The following IRAG1 variants were observed in gnomAD, a reference collection of about 807,000 sequenced individuals.
The protein encoded by IRAG1 is IP3R-associated cGMP kinase substrate.
Under a neutral mutation model 106.2 loss-of-function variants are expected in IRAG1, and 62 were observed. The observed-to-expected ratio is 0.58, with a 90% CI of 0.48 to 0.72. The LOEUF is 0.72. Ranked by LOEUF, IRAG1 falls within the 30% of genes least tolerant of loss-of-function variation. The probability of loss-of-function intolerance (pLI) is 0.00; values close to 1 mark genes in which losing one functional copy is unlikely to be tolerated. For synonymous variants in IRAG1, 462 were observed against 443.9 expected (o/e 1.04, Z -0.51); for missense variants, 1,064 against 1,140.7 (o/e 0.93, Z 0.97).
chr11:10,604,091 T>G lies in IRAG1; in HGVS notation c.1743+314A>C, dbSNP rs565763742. Among the ~76,000 whole-genome samples the G allele has an allele frequency of 3.3e-5, 5 of 152,328 alleles. No homozygotes were observed. In the South Asian group the frequency reaches 1.0e-3, roughly 32 times the overall value. On this transcript the variant is annotated intron_variant, in intron 13 of 20. Transcript: ENST00000423302. Reference sequence around the variant, plus strand: ...CTGCAGGGCCTGGGCCACAGTTTCTTCTGGTGCTTGGAGAAGCCCAATGTG... The same window carrying G: ...CTGCAGGGCCTGGGCCACAGTTTCTGCTGGTGCTTGGAGAAGCCCAATGTG...
chr11:10,584,551 AT>A (rs2134124171), intron 18 of IRAG1, among the ~76,000 whole-genome samples: 1 of 15,632 alleles, frequency 6.4e-5, no homozygotes, highest in South Asian at 1.2e-3. Flanking sequence ...TTCATGAAAT[AT>A]ATATATATAT....
chr11:10,620,696 G>A (rs369874151), intron 10 of IRAG1, among the ~76,000 whole-genome samples: 32 of 152,290 alleles, frequency 2.1e-4, no homozygotes, highest in East Asian at 1.3e-3. Context: ...CGGGTAATGC[G>A]TAAGAGAAAG....
chr11:10,611,296 T>C (rs1854939070), intron 10 of IRAG1, among the ~76,000 whole-genome samples: 1 of 152,188 alleles, frequency 6.6e-6, no homozygotes, highest in Non-Finnish European at 1.5e-5. Flanking sequence ...CTGGTATTTA[T>C]AGCTCTCTGA....
intron 19 of IRAG1, 91 bp downstream of exon 19, chr11:10,581,776 C>T (rs1389869139): frequency 1.3e-6 from 2 of 1,499,238 alleles, no homozygotes; most frequent in Non-Finnish European, 1.8e-6. Context: ...CTGGTTACTT[C>T]CCTAAAGCCT....
At chr11:10,622,090 T>A (rs1323790712) in intron 10 of IRAG1, among the ~76,000 whole-genome samples, 1 of 152,158 alleles carries the variant, frequency 6.6e-6, no homozygotes, top group African/African-American at 2.4e-5. Flanking sequence ...TAAAAATGGC[T>A]AAAATGGCAA....
chr11:10,611,744 A>G (rs1049258778), intron 10 of IRAG1: 3 of 152,192 alleles, frequency 2.0e-5, no homozygotes, highest in African/African-American at 7.2e-5. Flanking sequence ...TCAGTACTGA[A>G]AGGAAGATGG....
chr11:10,652,477 A>AAGAT (rs1858603996), intron 1 of IRAG1: 1 of 602,146 alleles, frequency 1.7e-6, no homozygotes, highest in Non-Finnish European at 2.6e-6. Flanking sequence ...TAGCTAATGG[A>AAGAT]AGATACTCCA....
At chr11:10,605,962 C>T (rs1268725629) in intron 12 of IRAG1, among the ~76,000 whole-genome samples, 1 of 152,234 alleles carries the variant, frequency 6.6e-6, no homozygotes, top group Non-Finnish European at 1.5e-5. Flanking sequence ...TGGTTATTTA[C>T]TCACTCAGTT....
intron 18 of IRAG1, among the ~76,000 whole-genome samples, chr11:10,585,439 T>C (rs1851855119): frequency 6.6e-6 from 1 of 151,578 alleles, no homozygotes; most frequent in Non-Finnish European, 1.5e-5. Flanking sequence ...GTGTTCTCTG[T>C]TTGACAGATG....
intron 1 of IRAG1, among the ~76,000 whole-genome samples, chr11:10,680,540 G>GAAGAAAGGAAGAAAGGAAGGAA (rs149163071): frequency 4.7e-5 from 4 of 85,806 alleles, no homozygotes; most frequent in African/African-American, 2.2e-4. Context: ...AGGAAGGAAG[G>GAAGAAAGGAAGAAAGGAAGGAA]GGAAGGGGAA....
At chr11:10,609,659 G>A (rs1414721814) in intron 11 of IRAG1, 69 bp downstream of exon 11, 5 of 1,548,150 alleles carry the variant, frequency 3.2e-6, no homozygotes, top group Non-Finnish European at 4.4e-6. Flanking sequence ...GTTCCTCTGT[G>A]TCCCACCTAG....
intron 9 of IRAG1, among the ~76,000 whole-genome samples, chr11:10,624,260 T>C (rs1856059733): frequency 6.6e-6 from 1 of 151,382 alleles, no homozygotes; most frequent in Non-Finnish European, 1.5e-5. Flanking sequence ...GAAACAGCTT[T>C]GGCGATCTCA....
chr11:10,641,058 C>G (rs887602385), intron 2 of IRAG1, among the ~76,000 whole-genome samples: 11 of 152,194 alleles, frequency 7.2e-5, no homozygotes, highest in African/African-American at 2.7e-4. Context: ...CTCTCTCTCT[C>G]TCGACTGAAT....
At chr11:10,685,370 C>T (rs1305049150) in intron 1 of IRAG1, among the ~76,000 whole-genome samples, 1 of 149,838 alleles carries the variant, frequency 6.7e-6, no homozygotes, top group African/African-American at 2.5e-5. Flanking sequence ...GAGCCGAGAT[C>T]GCACCACTGT....
chr11:10,582,931 G>T (rs1360461363), intron 18 of IRAG1, among the ~76,000 whole-genome samples: 1 of 152,192 alleles, frequency 6.6e-6, no homozygotes, highest in Non-Finnish European at 1.5e-5. Context: ...CTCCAGCCTG[G>T]ATGACAAAGC....
At chr11:10,614,622 C>A (rs1206210127) in intron 10 of IRAG1, among the ~76,000 whole-genome samples, 2 of 152,142 alleles carry the variant, frequency 1.3e-5, no homozygotes, top group Non-Finnish European at 2.9e-5. Context: ...GAACAAAGCC[C>A]TCAGAAATAA....
chr11:10,636,377 A>G (rs1039016054), intron 2 of IRAG1, among the ~76,000 whole-genome samples: 1 of 152,014 alleles, frequency 6.6e-6, no homozygotes, highest in African/African-American at 2.4e-5. Flanking sequence ...GGGTCTTACT[A>G]TGTTGGCCAG....
intron 8 of IRAG1, 40 bp downstream of exon 8, chr11:10,627,676 C>A (rs764864038): frequency 8.7e-6 from 14 of 1,612,592 alleles, no homozygotes; most frequent in South Asian, 5.5e-5. Flanking sequence ...CTGTGCCCCC[C>A]ACACTCAAAT....
intron 10 of IRAG1, among the ~76,000 whole-genome samples, chr11:10,618,776 G>A (rs1003815790): frequency 1.3e-5 from 2 of 152,226 alleles, no homozygotes; most frequent in African/African-American, 4.8e-5. Flanking sequence ...GTGAGAGTGA[G>A]TGTGGCCCTA....
Sources: gnomAD v4.1 joint callset for allele counts (sites outside exome capture counted in the v4.1 genomes callset) on GRCh38, gnomAD v4.1.1 for gene constraint, MANE v1.5 for transcripts, NCBI Gene and HGNC (gene_info 2026-07-23, HGNC 2026-07-21) for gene names.